Variants in EED observed in about 807,000 individuals in gnomAD.
The protein encoded by EED is polycomb protein EED.
EED carries 9 observed loss-of-function variants against 61.0 expected under a neutral mutation model. The observed-to-expected ratio is 0.15, with a 90% CI of 0.09 to 0.26. The LOEUF is 0.26. Ranked by LOEUF, EED falls within the 10% of genes least tolerant of loss-of-function variation. The pLI is 1.00. For missense variants in EED, 315 were observed against 542.3 expected (o/e 0.58, Z 4.16); for synonymous variants, 187 against 174.4 (o/e 1.07, Z -0.57).
intron 9 of EED, among the ~76,000 whole-genome samples, chr11:86,271,219 T>C (rs555898084): frequency 1.3e-5 from 2 of 152,348 alleles, no homozygotes; most frequent in East Asian, 3.9e-4. Context: ...ATCAGCATTT[T>C]ATAGTTTTTA....
chr11:86,247,938 T>A (rs759623297), intron 1 of EED, among the ~76,000 whole-genome samples: 1 of 152,236 alleles, frequency 6.6e-6, no homozygotes, highest in Non-Finnish European at 1.5e-5. Context: ...CTTTTTGAGA[T>A]CATATGACTG....
At chr11:86,262,742 C>T (rs1013179513) in intron 6 of EED, among the ~76,000 whole-genome samples, 2 of 151,522 alleles carry the variant, frequency 1.3e-5, no homozygotes, top group Non-Finnish European at 2.9e-5. Flanking sequence ...AATTCCTGAG[C>T]TCAAGTGTCC....
chr11:86,287,104 T>TC, the EED span, among the ~76,000 whole-genome samples: 3 of 152,018 alleles, frequency 2.0e-5, no homozygotes, highest in Admixed American at 2.0e-4. Flanking sequence ...TTTTTTTTTT[T>TC]CTTTTTGTAA....
chr11:86,264,422 T>C, intron 7 of EED, 159 bp downstream of exon 7: 1 of 493,122 alleles, frequency 2.0e-6, no homozygotes, highest in Non-Finnish European at 3.6e-6. Context: ...GATGAAGGAA[T>C]AAAACAAGTA....
chr11:86,261,432 A>G (rs1266369650), intron 6 of EED, among the ~76,000 whole-genome samples: 2 of 152,212 alleles, frequency 1.3e-5, no homozygotes, highest in African/African-American at 4.8e-5. Flanking sequence ...TGCCACGTGC[A>G]GCCCACATAG....
At chr11:86,266,539 T>A (rs1336040269) in intron 8 of EED, among the ~76,000 whole-genome samples, 1 of 152,118 alleles carries the variant, frequency 6.6e-6, no homozygotes, top group Admixed American at 6.5e-5. Flanking sequence ...AAGCTTATTA[T>A]GGACTAGGGA....
intron 9 of EED, chr11:86,276,775 G>T: frequency 2.7e-6 from 1 of 374,540 alleles, no homozygotes; most frequent in South Asian, 1.2e-4. Flanking sequence ...TTGTATTATC[G>T]AATTCTGTTG....
At chr11:86,263,947 A>T (rs1945909143) in intron 6 of EED, 1 of 500,100 alleles carries the variant, frequency 2.0e-6, no homozygotes, top group Non-Finnish European at 3.6e-6. Context: ...TTGGGGATTG[A>T]GTTTCTAGCA....
At chr11:86,264,568 G>A in intron 7 of EED, 1 of 225,888 alleles carries the variant, frequency 4.4e-6, no homozygotes. Context: ...TTGCCATTTC[G>A]CAGTTATTAA....
intron 1 of EED, among the ~76,000 whole-genome samples, chr11:86,247,124 T>G (rs891550077): frequency 6.6e-6 from 1 of 152,218 alleles, no homozygotes; most frequent in African/African-American, 2.4e-5. Context: ...AAAATAAAGC[T>G]TATTTTCTTC....
downstream of EED, among the ~76,000 whole-genome samples, chr11:86,281,179 T>C (rs2138246630): frequency 6.6e-6 from 1 of 152,338 alleles, no homozygotes; most frequent in South Asian, 2.1e-4. Flanking sequence ...GTAAGATGAG[T>C]TTGGAAGTAT....
At chr11:86,258,597 G>A (rs907413405) in intron 6 of EED, among the ~76,000 whole-genome samples, 15 of 145,546 alleles carry the variant, frequency 1.0e-4, no homozygotes, top group African/African-American at 3.6e-4. Flanking sequence ...CTCTTGTTGC[G>A]GAGGCTGGAG....
intron 9 of EED, among the ~76,000 whole-genome samples, chr11:86,274,697 CT>C (rs147349123): frequency 2.6e-4 from 40 of 152,268 alleles, no homozygotes; most frequent in East Asian, 1.7e-3. Context: ...ACTGCCCCCC[CT>C]AGTGGTCTCC....
chr11:86,269,600 G>A (rs1204428899), intron 9 of EED, among the ~76,000 whole-genome samples: 24 of 152,074 alleles, frequency 1.6e-4, no homozygotes, highest in Admixed American at 1.6e-3. Context: ...CAAAGATTGT[G>A]CAGAGAGGTC....
chr11:86,250,747 A>G lies in EED; in HGVS notation c.267+299A>G, dbSNP rs575468859. Among the ~76,000 whole-genome samples the G allele has an allele frequency of 4.6e-5, 7 of 152,238 alleles. No individual in the cohort carries two copies. The South Asian group carries it at 1.5e-3, about 32-fold the overall frequency. ...GATTTGGGTAACTATTACTCTTTAT[A>G]TTTTAGTAAAACTTAAAAAACATAA... On this transcript the variant is annotated intron_variant, in intron 2 of 11. Transcript: ENST00000263360.
intron 9 of EED, among the ~76,000 whole-genome samples, chr11:86,274,440 G>A (rs1320478538): frequency 2.6e-5 from 4 of 152,096 alleles, no homozygotes; most frequent in African/African-American, 9.7e-5. Context: ...TGAAACCTGG[G>A]TATTTTGGGT....
chr11:86,273,615 T>G (rs886615588), intron 9 of EED, among the ~76,000 whole-genome samples: 2 of 152,246 alleles, frequency 1.3e-5, no homozygotes, highest in African/African-American at 4.8e-5. Context: ...CTAGTTTTTC[T>G]TTATCAGAGC....
chr11:86,278,297 G>A (rs761209361), intron 11 of EED, 102 bp from the exon 12 acceptor site: 10 of 1,469,498 alleles, frequency 6.8e-6, no homozygotes, highest in African/African-American at 1.4e-5. Flanking sequence ...AGTGCTTTTC[G>A]TATGACTTGG....
At position 86,277,032 on chromosome 11, in the gene EED, T is replaced by C. The variant is rs747972868; in HGVS notation, c.1019T>C (p.Ile340Thr). The change falls in exon 10 of 12, where the codon ATA becomes ACA. Residue 340 changes from isoleucine to threonine, a missense_variant. Transcript: ENST00000263360. ...AAACCTGGCAAGATGGAAGATGATA[T>C]AGATAAAATTAAACCCAGTGAATCT... is the stretch of plus-strand genomic sequence containing the variant. ...CWKPGKMEDD[I>T]DKIKPSESNV... 4.5e-6 allele frequency: 7 copies of C among 1,565,994 alleles called. No individual in the cohort carries two copies. The highest frequency in any genetic ancestry group is 1.7e-5 in the Admixed American group (1 of 58,800).
Sources: allele counts gnomAD v4.1 joint callset (sites outside exome capture counted in the v4.1 genomes callset), GRCh38; gene constraint gnomAD v4.1.1; transcripts MANE v1.5; gene names NCBI Gene and HGNC (gene_info 2026-07-23, HGNC 2026-07-21).